The following ESRRG variants were observed in gnomAD, a reference collection of about 807,000 sequenced individuals.
ESRRG encodes the protein estrogen related receptor gamma.
Under a neutral mutation model 44.0 loss-of-function variants are expected in ESRRG, and 13 were observed. The ratio of observed to expected loss-of-function variants is 0.30; its 90% CI spans 0.19 to 0.47. The LOEUF is 0.47. Among genes scored for constraint, ESRRG ranks in the 20% least tolerant of loss-of-function variants. The pLI, the probability that ESRRG is intolerant of heterozygous loss-of-function variation, is 1.00. For synonymous variants in ESRRG, 215 were observed against 214.6 expected (o/e 1.00, Z -0.02); for missense variants, 395 against 580.6 (o/e 0.68, Z 3.29).
chr1:217,067,237 T>G (rs542216957), intron 1 of ESRRG, among the ~76,000 whole-genome samples: 1 of 152,232 alleles, frequency 6.6e-6, no homozygotes, highest in Non-Finnish European at 1.5e-5. Flanking sequence ...AGCAAATGAA[T>G]GTAGGCAATA....
At chr1:216,963,515 C>T (rs1024853927) in intron 1 of ESRRG, among the ~76,000 whole-genome samples, 2 of 152,104 alleles carry the variant, frequency 1.3e-5, no homozygotes, top group Non-Finnish European at 2.9e-5. Flanking sequence ...AGTCAAGCCA[C>T]GTAATTCTAG....
chr1:216,800,111 A>T (rs1381178344), intron 2 of ESRRG, among the ~76,000 whole-genome samples: 2 of 152,218 alleles, frequency 1.3e-5, no homozygotes, highest in Non-Finnish European at 2.9e-5. Context: ...ATAAGCTAAC[A>T]TTGCAGGTAA....
At chr1:216,979,930 CCT>C (rs2073648876) in intron 1 of ESRRG, among the ~76,000 whole-genome samples, 1 of 152,066 alleles carries the variant, frequency 6.6e-6, no homozygotes, top group Non-Finnish European at 1.5e-5. Flanking sequence ...AGCTCCAAAA[CCT>C]CCAGAATCAA....
chr1:216,552,296 C>G (rs17042817), intron 5 of ESRRG, among the ~76,000 whole-genome samples: 5,703 of 152,036 alleles, frequency 0.038, 381 homozygotes, highest in African/African-American at 0.13. Context: ...GAATAGTATA[C>G]TCTTTTCTGA....
At chr1:217,099,785 C>T (rs560303737) in intron 1 of ESRRG, among the ~76,000 whole-genome samples, 4 of 152,256 alleles carry the variant, frequency 2.6e-5, no homozygotes, top group African/African-American at 9.6e-5. Context: ...TGCTTTGCAT[C>T]CAGGTGGAGC....
At chr1:217,024,779 A>G (rs2080927003) in intron 1 of ESRRG, among the ~76,000 whole-genome samples, 1 of 151,968 alleles carries the variant, frequency 6.6e-6, no homozygotes, top group Non-Finnish European at 1.5e-5. Flanking sequence ...AATATTCACC[A>G]CCTCATTTGA....
intron 1 of ESRRG, among the ~76,000 whole-genome samples, chr1:216,963,185 TC>T (rs1311154194): frequency 6.6e-6 from 1 of 152,078 alleles, no homozygotes; most frequent in Non-Finnish European, 1.5e-5. Context: ...AAACAGATTA[TC>T]CCTGAGGAAA....
chr1:216,821,699 AATAAAT>A (rs2095296216), intron 2 of ESRRG, among the ~76,000 whole-genome samples: 8 of 126,014 alleles, frequency 6.3e-5, no homozygotes, highest in African/African-American at 1.5e-4. Context: ...AAAATAAATA[AATAAAT>A]AAATAAATAA....
rs117773359 is a variant in ESRRG at position 217,043,471 on chromosome 1, T to G, written c.-106+46036A>C. Among the ~76,000 whole-genome samples the G allele has an allele frequency of 3.9e-5, 6 of 152,336 alleles. No homozygotes were observed. In the East Asian group the frequency reaches 1.2e-3, roughly 29 times the overall value. On this transcript the variant is annotated intron_variant, in intron 1 of 7. Transcript: ENST00000359162. Reference sequence around the variant, plus strand: ...ATCTCTAATTAACCAAAATTCTCAGTTATATTTCCTAAAATGAAACACGTC... The same window carrying G: ...ATCTCTAATTAACCAAAATTCTCAGGTATATTTCCTAAAATGAAACACGTC...
In ESRRG at chr1:217,100,798, A is replaced by G. The variant is rs375038331; in HGVS notation, c.-230+36869T>C. Among the ~76,000 whole-genome samples, 40 of 152,218 alleles carry G rather than the reference A, an allele frequency of 2.6e-4. 1 individual carries two copies. The South Asian group carries it at 8.3e-3, about 32-fold the overall frequency. On this transcript the variant is annotated intron_variant, in intron 1 of 8. Transcript: ENST00000366940. ...AGATCTTGGATGAACTCAGAGTGAG[A>G]ACTTACTTATTACCCCAAGGATGGC...
intron 2 of ESRRG, among the ~76,000 whole-genome samples, chr1:216,861,315 G>C (rs898346090): frequency 6.6e-6 from 1 of 151,866 alleles, no homozygotes; most frequent in South Asian, 2.1e-4. Flanking sequence ...GCATTACAGG[G>C]TATAATTCAC....
intron 1 of ESRRG, among the ~76,000 whole-genome samples, chr1:216,955,632 T>C (rs553578467): frequency 2.0e-5 from 3 of 152,266 alleles, no homozygotes; most frequent in Admixed American, 2.0e-4. Context: ...CTGTTCACCA[T>C]AGTGGCTGTG....
At chr1:217,119,814 T>C (rs2092795717) in intron 1 of ESRRG, among the ~76,000 whole-genome samples, 1 of 152,240 alleles carries the variant, frequency 6.6e-6, no homozygotes, top group South Asian at 2.1e-4. Context: ...TAAAACACTC[T>C]ACAATTGAGC....
At chr1:216,641,268 T>C (rs1357375754) in intron 3 of ESRRG, among the ~76,000 whole-genome samples, 1 of 152,224 alleles carries the variant, frequency 6.6e-6, no homozygotes, top group African/African-American at 2.4e-5. Flanking sequence ...TCAAAGATTC[T>C]ATCTACTTCA....
At chr1:216,978,024 C>G (rs542703767) in intron 1 of ESRRG, among the ~76,000 whole-genome samples, 1 of 152,100 alleles carries the variant, frequency 6.6e-6, no homozygotes, top group Non-Finnish European at 1.5e-5. Context: ...ATTTCCCAGC[C>G]ACTAGAATTG....
At chr1:217,124,339 T>C (rs1156597845) in intron 1 of ESRRG, among the ~76,000 whole-genome samples, 3 of 152,220 alleles carry the variant, frequency 2.0e-5, no homozygotes, top group African/African-American at 7.2e-5. Context: ...GATGACTACC[T>C]AAATTACTGG....
intron 2 of ESRRG, among the ~76,000 whole-genome samples, chr1:216,903,768 G>A (rs140051513): frequency 1.3e-5 from 2 of 152,202 alleles, no homozygotes; most frequent in East Asian, 3.9e-4. Context: ...CCCCTGACAT[G>A]CCATCTATAC....
At chr1:216,515,795 G>C (rs2148858663) in intron 6 of ESRRG, among the ~76,000 whole-genome samples, 1 of 152,150 alleles carries the variant, frequency 6.6e-6, no homozygotes, top group East Asian at 1.9e-4. Flanking sequence ...GAGCAACAGA[G>C]AATTGTCAGA....
rs1043414431 is a variant in ESRRG at position 216,677,366 on chromosome 1, G to A, written c.182C>T (p.Ser61Phe). ...DSVNHHSPGGSSDASGSYSST... is the reference protein window; with the variant it reads ...DSVNHHSPGGFSDASGSYSST... The stretch of plus-strand genomic sequence containing the variant: ...ACTGTAGCTCCCACTGGCGTCTGAA[G>A]AGCCACCAGGGCTGTGGTGGTTGAC... Residue 61 changes from serine to phenylalanine, a missense_variant, in exon 2 of 7, where the codon TCT becomes TTT. Physicochemically the swap from Ser to Phe is radical, Grantham distance 155. Transcript: ENST00000408911. 3.7e-6 allele frequency: 6 copies of A among 1,614,146 alleles called. No individual in the cohort carries two copies. Among genetic ancestry groups the A allele is most frequent in the East Asian group, 2.2e-5 (1 of 44,872 alleles).
Sources: allele counts gnomAD v4.1 joint callset (sites outside exome capture counted in the v4.1 genomes callset), GRCh38; gene constraint gnomAD v4.1.1; transcripts MANE v1.5; gene names NCBI Gene and HGNC (gene_info 2026-07-23, HGNC 2026-07-21).